The following PLAA variants were observed in gnomAD, a reference collection of about 807,000 sequenced individuals.
PLAA encodes the protein phospholipase A2 activating protein.
Under a neutral mutation model 84.1 loss-of-function variants are expected in PLAA, and 48 were observed. The observed-to-expected ratio is 0.57, with a 90% CI of 0.45 to 0.73. PLAA has a LOEUF of 0.73. PLAA is among the 30% of genes least tolerant of loss of function. The probability of loss-of-function intolerance (pLI) is 0.00; values close to 1 mark genes in which losing one functional copy is unlikely to be tolerated. For synonymous variants in PLAA, 392 were observed against 336.6 expected, an observed-to-expected ratio of 1.16 and a Z score of -1.80; for missense variants, 903 against 954.7, an observed-to-expected ratio of 0.95 and a Z score of 0.71.
chr9:26,909,598 C>T (rs1824336647), intron 12 of PLAA, among the ~76,000 whole-genome samples: 1 of 151,640 alleles, frequency 6.6e-6, no homozygotes, highest in African/African-American at 2.4e-5. Context: ...CAATCAAAGT[C>T]ACTAAAGCAG....
chr9:26,910,427 T>C lies in PLAA; in HGVS notation c.1568A>G (p.Tyr523Cys). 1.9e-6 allele frequency: 3 copies of C among 1,611,080 alleles called. No individual in the cohort carries two copies. Among genetic ancestry groups the C allele is most frequent in the South Asian group, 2.2e-5 (2 of 91,018 alleles). ...CATTGTTTTAGATGCAGCTGATCGGTAGGCACTATTCCCTATTTAAAGAAT... is the reference window on the plus strand; with the variant it reads ...CATTGTTTTAGATGCAGCTGATCGGCAGGCACTATTCCCTATTTAAAGAAT... Reference protein sequence around the residue: ...GVDPFTGNSAYRSAASKTMNI... With the variant: ...GVDPFTGNSACRSAASKTMNI... Residue 523 changes from tyrosine to cysteine, a missense_variant, in exon 12 of 14, where the codon TAC becomes TGC. Coordinates refer to ENST00000397292, the MANE Select transcript of PLAA (RefSeq NM_001031689.3).
rs765638871 is a variant in PLAA at position 26,919,382 on chromosome 9, T to C, written c.1345A>G (p.Lys449Glu). The C allele has an allele frequency of 6.2e-7, 1 of 1,613,176 alleles. No homozygotes were observed. Among genetic ancestry groups the C allele is most frequent in the South Asian group, 1.1e-5 (1 of 91,026 alleles). Residue 449 changes from lysine (K) to glutamate (E), a missense_variant, in exon 9 of 14, where the codon AAA becomes GAA. Transcript: ENST00000397292. The stretch of plus-strand genomic sequence containing the variant: ...CCTTTTGTGTTATCAATAATAAATT[T>C]AGCTACTTGATCCAGAAACATAGGA... ...LNPMFLDQVA[K>E]FIIDNTKGQM...
chr9:26,939,744 A>G (rs537122970), intron 1 of PLAA, among the ~76,000 whole-genome samples: 2 of 152,260 alleles, frequency 1.3e-5, no homozygotes, highest in East Asian at 1.9e-4. Flanking sequence ...AGAAAGCAGG[A>G]GCAGCTATAT....
chr9:26,943,325 T>A (rs1030353164), intron 1 of PLAA, among the ~76,000 whole-genome samples: 2 of 152,202 alleles, frequency 1.3e-5, no homozygotes, highest in Non-Finnish European at 2.9e-5. Context: ...CCTGGTTTAG[T>A]CTACTCTAAA....
In PLAA at chr9:26,941,651, C is replaced by CA. The variant is rs1825547590; in HGVS notation, c.149+5245dup. Among the ~76,000 whole-genome samples, 6 of 151,784 alleles carry CA rather than the reference C, an allele frequency of 4.0e-5. No individual in the cohort carries two copies. In the South Asian group the frequency reaches 1.2e-3, roughly 32 times the overall value. On this transcript the variant is annotated intron_variant, in intron 1 of 13. Coordinates refer to ENST00000397292, the MANE Select transcript of PLAA (RefSeq NM_001031689.3). ...CCATTAAGGAGGAAATACCTTAAAACATTTTTTTAAATTGTCATTATCATC... is the reference window on the plus strand; with the variant it reads ...CCATTAAGGAGGAAATACCTTAAAACAATTTTTTTAAATTGTCATTATCATC...
intron 1 of PLAA, among the ~76,000 whole-genome samples, chr9:26,944,187 G>A (rs1196543852): frequency 6.6e-6 from 1 of 152,154 alleles, no homozygotes; most frequent in Non-Finnish European, 1.5e-5. Flanking sequence ...CTTGCTGTGT[G>A]CTCTCCTACC....
At chr9:26,922,463 C>G (rs887850179) in intron 7 of PLAA, among the ~76,000 whole-genome samples, 1 of 151,948 alleles carries the variant, frequency 6.6e-6, no homozygotes, top group Non-Finnish European at 1.5e-5. Context: ...TCTAGTATTA[C>G]AAAAATTAGT....
rs1288497451 is a variant in PLAA at position 26,926,053 on chromosome 9, C to T, written c.734-93G>A. On this transcript the variant is annotated intron_variant, in intron 5 of 13. Transcript: ENST00000397292. ...CTAGATACACTGACTTTTTGAAACCCAGAGACTTTCAAAATTACAGTTTTA... is the reference window on the plus strand; with the variant it reads ...CTAGATACACTGACTTTTTGAAACCTAGAGACTTTCAAAATTACAGTTTTA... 5 of 951,050 alleles carry T rather than the reference C, an allele frequency of 5.3e-6. No homozygotes were observed. The African/African-American group carries it at 8.4e-5, about 16-fold the overall frequency. 58.9% of individuals were successfully genotyped at this position (951,050 alleles called of 1,614,324 possible). A position where few individuals can be genotyped will look rare whatever the true frequency, so the allele number is the denominator to read the frequency against.
chr9:26,946,109 C>A (rs1362887460), intron 1 of PLAA, among the ~76,000 whole-genome samples: 1 of 152,154 alleles, frequency 6.6e-6, no homozygotes, highest in African/African-American at 2.4e-5. Context: ...ATTCTAAAAT[C>A]TCTAGCAGTG....
intron 9 of PLAA, among the ~76,000 whole-genome samples, chr9:26,918,211 A>C (rs1824630929): frequency 6.6e-6 from 1 of 151,278 alleles, no homozygotes; most frequent in Admixed American, 6.6e-5. Flanking sequence ...TCCCAGGTTC[A>C]CGTGATTCTC....
intron 5 of PLAA, 75 bp from the exon 6 acceptor site, chr9:26,926,035 C>A: frequency 8.1e-7 from 1 of 1,238,766 alleles, no homozygotes; most frequent in Non-Finnish European, 1.1e-6. Flanking sequence ...TTTCTAGATA[C>A]ACTGACTTTT....
At chr9:26,916,146 A>G (rs1824549128) in intron 10 of PLAA, 3 of 985,248 alleles carry the variant, frequency 3.0e-6, no homozygotes, top group Non-Finnish European at 3.6e-6. Context: ...GCAATCCACA[A>G]CTTCATGATG....
In PLAA at chr9:26,908,176, T is replaced by G. The variant is rs956805006; in HGVS notation, c.1658-178A>C. ...GGCTTATGAGCTTTGTCTTTTTTTT[T>G]TTTTTTTTTGAGATGGAGTCCTGCT... is the stretch of plus-strand genomic sequence containing the variant. On this transcript the variant is annotated intron_variant, in intron 12 of 13. Transcript: ENST00000397292. 3.3e-5 allele frequency among the ~76,000 whole-genome samples: 5 copies of G among 151,224 alleles called. No homozygotes were observed. The East Asian group carries it at 9.7e-4, about 29-fold the overall frequency.
At chr9:26,913,648 GC>G (rs1283499165) in intron 11 of PLAA, among the ~76,000 whole-genome samples, 4 of 152,066 alleles carry the variant, frequency 2.6e-5, no homozygotes, top group Non-Finnish European at 5.9e-5. Flanking sequence ...GACCAAGTAA[GC>G]ATCTCTGGGG....
Position 26,911,342 on chromosome 9 carries a change from A to G in PLAA, c.1556-903T>C, listed in dbSNP as rs182383609. ...TAATTTTTGTATTTTTAGTAGAGAC[A>G]GGGTTTCACCACATTGGCCAGGCTG... On this transcript the variant is annotated intron_variant, in intron 11 of 13. Transcript: ENST00000397292. Among the ~76,000 whole-genome samples the G allele has an allele frequency of 9.9e-3, 1,507 of 152,232 alleles. 24 individuals carry two copies. The highest frequency in any genetic ancestry group is 0.034 in the African/African-American group (1,410 of 41,544).
At chr9:26,915,958 C>A in intron 10 of PLAA, 1 of 985,412 alleles carries the variant, frequency 1.0e-6, no homozygotes, top group Non-Finnish European at 1.2e-6. Context: ...CTCTTCAGAT[C>A]CTTACTACCA....
intron 10 of PLAA, chr9:26,916,725 A>T: frequency 1.0e-6 from 1 of 983,406 alleles, no homozygotes. Context: ...CAGATAAAAA[A>T]AATAGGCTCA....
chr9:26,937,414 C>A (rs1825394628), intron 1 of PLAA, among the ~76,000 whole-genome samples: 1 of 151,994 alleles, frequency 6.6e-6, no homozygotes, highest in African/African-American at 2.4e-5. Flanking sequence ...AAACAGCAAA[C>A]CCTGGAAAAG....
At chr9:26,926,245 GAGAA>G in intron 5 of PLAA, 144 bp downstream of exon 5, 1 of 612,918 alleles carries the variant, frequency 1.6e-6, no homozygotes, top group South Asian at 2.4e-5. Context: ...TTGTAAACAG[GAGAA>G]AGATACTTAA....
Sources: allele counts gnomAD v4.1 joint callset (sites outside exome capture counted in the v4.1 genomes callset), GRCh38; gene constraint gnomAD v4.1.1; transcripts MANE v1.5; gene names NCBI Gene and HGNC (gene_info 2026-07-23, HGNC 2026-07-21).